The following MICU2 variants were observed in gnomAD, a reference collection of about 807,000 sequenced individuals.
The protein encoded by MICU2 is mitochondrial calcium uptake 2, also known as calcium uptake protein 2, mitochondrial.
A neutral mutation model predicts 60.4 loss-of-function variants in MICU2; 64 were observed. That is an observed-to-expected ratio of 1.06 (90% CI 0.87 to 1.31). The LOEUF is 1.31. MICU2 is among the 50% of genes most tolerant of loss of function. The pLI is 0.00. For missense variants in MICU2, 569 were observed against 531.0 expected (o/e 1.07, Z -0.70); for synonymous variants, 201 against 175.0 (o/e 1.15, Z -1.17).
intron 4 of MICU2, among the ~76,000 whole-genome samples, chr13:21,525,913 C>CTTAT (rs60527711): frequency 0.049 from 7,031 of 144,232 alleles, 323 homozygotes; most frequent in African/African-American, 0.12. Flanking sequence ...GTGATGTAGT[C>CTTAT]TTATTTATTT....
chr13:21,597,194 C>T (rs1888713427), intron 1 of MICU2, among the ~76,000 whole-genome samples: 2 of 152,278 alleles, frequency 1.3e-5, no homozygotes, highest in South Asian at 4.1e-4. Context: ...ATTATTAAAA[C>T]ATTATAGATG....
intron 2 of MICU2, among the ~76,000 whole-genome samples, chr13:21,554,129 A>G (rs145654685): frequency 0.013 from 1,935 of 152,316 alleles, 30 homozygotes; most frequent in Non-Finnish European, 0.02. Flanking sequence ...TCAACGAGAC[A>G]GAAAGTTAAT....
intron 11 of MICU2, among the ~76,000 whole-genome samples, chr13:21,494,861 TA>T (rs1361885806): frequency 6.6e-6 from 1 of 152,152 alleles, no homozygotes; most frequent in South Asian, 2.1e-4. Context: ...ATTTCTTTTT[TA>T]AAAAATTATT....
chr13:21,555,395 T>C (rs909554451), intron 2 of MICU2, among the ~76,000 whole-genome samples: 1 of 152,160 alleles, frequency 6.6e-6, no homozygotes, highest in African/African-American at 2.4e-5. Context: ...TAATCCAGCA[T>C]ATAAACAGAA....
intron 4 of MICU2, among the ~76,000 whole-genome samples, chr13:21,529,891 G>A (rs1237403097): frequency 6.6e-6 from 1 of 152,154 alleles, no homozygotes; most frequent in Non-Finnish European, 1.5e-5. Flanking sequence ...ATGTGTTGGA[G>A]GGATGGAGAA....
chr13:21,533,175 G>GA (rs1887045213), intron 4 of MICU2, among the ~76,000 whole-genome samples: 1 of 151,876 alleles, frequency 6.6e-6, no homozygotes, highest in Non-Finnish European at 1.5e-5. Flanking sequence ...TTTAGGTAAA[G>GA]AAAAAATGCC....
intron 1 of MICU2, among the ~76,000 whole-genome samples, chr13:21,600,842 G>T (rs1179348712): frequency 6.6e-6 from 1 of 152,118 alleles, no homozygotes; most frequent in African/African-American, 2.4e-5. Context: ...TGTCGCCCAG[G>T]CTGGACTGCA....
intron 4 of MICU2, among the ~76,000 whole-genome samples, chr13:21,535,088 T>C (rs1440498314): frequency 6.6e-6 from 1 of 152,224 alleles, no homozygotes; most frequent in Non-Finnish European, 1.5e-5. Flanking sequence ...CTTTTCAGTT[T>C]TTGAAGATTA....
intron 5 of MICU2, among the ~76,000 whole-genome samples, chr13:21,521,697 AAAC>A (rs528635582): frequency 2.0e-5 from 3 of 152,210 alleles, no homozygotes; most frequent in South Asian, 2.1e-4. Flanking sequence ...CAGAGTACTT[AAAC>A]AACAACAACG....
At chr13:21,498,942 A>AT (rs1192463245) in intron 9 of MICU2, among the ~76,000 whole-genome samples, 1 of 152,078 alleles carries the variant, frequency 6.6e-6, no homozygotes, top group Non-Finnish European at 1.5e-5. Flanking sequence ...GAAAAATGGT[A>AT]TTTTATTAAT....
intron 2 of MICU2, among the ~76,000 whole-genome samples, chr13:21,558,633 C>T (rs1887765636): frequency 6.6e-6 from 1 of 152,152 alleles, no homozygotes; most frequent in South Asian, 2.1e-4. Context: ...CTCCACTTCT[C>T]ACCCCACAAA....
chr13:21,506,953 T>C (rs1467053298), intron 8 of MICU2, among the ~76,000 whole-genome samples: 1 of 152,252 alleles, frequency 6.6e-6, no homozygotes, highest in Non-Finnish European at 1.5e-5. Context: ...ATGATTAATT[T>C]GGCTAGTACG....
At position 21,501,464 on chromosome 13, in the gene MICU2, G is replaced by A. The variant is rs111515416; in HGVS notation, c.933+1462C>T. On this transcript the variant is annotated intron_variant, in intron 9 of 11. Coordinates refer to ENST00000382374, the MANE Select transcript of MICU2 (RefSeq NM_152726.3). ...TTTTTAGTAGAGACGTGGTTTCACC[G>A]TGTTAACCAGGATGGTCTTGATCTC... Among the ~76,000 whole-genome samples, 160 of 152,162 alleles carry A rather than the reference G, an allele frequency of 1.1e-3. 2 individuals carry two copies. The highest frequency in any genetic ancestry group is 3.5e-3 in the East Asian group (18 of 5,162).
chr13:21,526,459 G>A (rs950504860), intron 4 of MICU2, among the ~76,000 whole-genome samples: 1 of 151,950 alleles, frequency 6.6e-6, no homozygotes, highest in Non-Finnish European at 1.5e-5. Context: ...CTTAAATCCA[G>A]ATGTGTGCTA....
At position 21,565,132 on chromosome 13, in the gene MICU2, T is replaced by A. The variant is rs75775652; in HGVS notation, c.358+1665A>T. The stretch of plus-strand genomic sequence containing the variant: ...AACTACTTTTTAAGAGAAATCTTTT[T>A]GCATATCTTTGATTACTTACATTAT... On this transcript the variant is annotated intron_variant, in intron 2 of 11. Transcript: ENST00000382374. 5.3e-3 allele frequency among the ~76,000 whole-genome samples: 802 copies of A among 152,344 alleles called. 5 individuals carry two copies. The highest frequency in any genetic ancestry group is 0.018 in the African/African-American group (754 of 41,578).
chr13:21,591,978 C>T (rs1389826797), intron 1 of MICU2, among the ~76,000 whole-genome samples: 3 of 151,162 alleles, frequency 2.0e-5, no homozygotes, highest in East Asian at 1.9e-4. Flanking sequence ...CAAATTAATT[C>T]GAAAGTTAGC....
At chr13:21,603,763 G>GC (rs1888882386) in intron 1 of MICU2, 176 bp downstream of exon 1, 1 of 688,754 alleles carries the variant, frequency 1.5e-6, no homozygotes, top group Non-Finnish European at 2.4e-6. Flanking sequence ...GGGGACTCAG[G>GC]CCGGGGGCCG....
intron 8 of MICU2, among the ~76,000 whole-genome samples, chr13:21,507,404 T>C (rs1457660218): frequency 1.3e-5 from 2 of 152,152 alleles, no homozygotes; most frequent in African/African-American, 2.4e-5. Flanking sequence ...ATCAGTATTA[T>C]GATAATAGCT....
At chr13:21,576,805 C>T (rs906977101) in intron 1 of MICU2, among the ~76,000 whole-genome samples, 1 of 152,126 alleles carries the variant, frequency 6.6e-6, no homozygotes, top group Non-Finnish European at 1.5e-5. Context: ...CATGCCCCAC[C>T]CCTAACCCTA....
Sources: allele counts gnomAD v4.1 joint callset (sites outside exome capture counted in the v4.1 genomes callset), GRCh38; gene constraint gnomAD v4.1.1; transcripts MANE v1.5; gene names NCBI Gene and HGNC (gene_info 2026-07-23, HGNC 2026-07-21).